The following TCF4 variants were observed in gnomAD, a reference collection of about 807,000 sequenced individuals.
TCF4 encodes the protein SL3-3 enhancer factor 2.
In TCF4, 3 loss-of-function variants were observed where a neutral mutation model predicts 82.1. The ratio of observed to expected loss-of-function variants is 0.04; its 90% CI spans 0.02 to 0.09. The LOEUF (loss-of-function observed/expected upper bound fraction) is 0.09, where lower values mean the gene tolerates loss of function less well. TCF4 is among the 10% of genes least tolerant of loss of function. The pLI is 1.00. For missense variants in TCF4, 518 were observed against 852.7 expected, an observed-to-expected ratio of 0.61 and a Z score of 4.89; for synonymous variants, 276 against 309.6, an observed-to-expected ratio of 0.89 and a Z score of 1.14.
intron 8 of TCF4, among the ~76,000 whole-genome samples, chr18:55,291,144 T>C (rs1160015503): frequency 1.3e-5 from 2 of 152,176 alleles, no homozygotes; most frequent in African/African-American, 4.8e-5. Context: ...TCCTTTTCCA[T>C]GAGTCACAAG....
chr18:55,629,119 T>C (rs1386847313), intron 2 of TCF4, among the ~76,000 whole-genome samples: 2 of 152,152 alleles, frequency 1.3e-5, no homozygotes, highest in African/African-American at 2.4e-5. Flanking sequence ...ATATTTTGTG[T>C]GTGTGATACT....
At chr18:55,582,075 C>G (rs990940533) in intron 3 of TCF4, among the ~76,000 whole-genome samples, 2 of 152,056 alleles carry the variant, frequency 1.3e-5, no homozygotes, top group Non-Finnish European at 2.9e-5. Flanking sequence ...AAAAAGATGT[C>G]AAAGCTAGGA....
intron 15 of TCF4, among the ~76,000 whole-genome samples, chr18:55,240,609 G>A (rs182230286): frequency 6.6e-6 from 1 of 152,314 alleles, no homozygotes; most frequent in East Asian, 1.9e-4. Flanking sequence ...TGGAATGGCA[G>A]CAGTAGATAG....
chr18:55,339,329 C>A (rs969992569), intron 8 of TCF4, among the ~76,000 whole-genome samples: 3 of 152,150 alleles, frequency 2.0e-5, no homozygotes, highest in African/African-American at 7.2e-5. Flanking sequence ...AAACCAGGAT[C>A]CTTTTGGTGA....
intron 3 of TCF4, among the ~76,000 whole-genome samples, chr18:55,505,792 AGACTCC>A: frequency 8.0e-6 from 1 of 125,196 alleles, no homozygotes; most frequent in Non-Finnish European, 1.6e-5. Context: ...CCACAGAGCG[AGACTCC>A]GTCTCAAAAA....
chr18:55,452,462 T>C (rs72928929), intron 5 of TCF4: 8,899 of 152,418 alleles, frequency 0.058, 359 homozygotes, highest in Middle Eastern at 0.091. Flanking sequence ...GAAAGATCTT[T>C]GTCTGTCACT....
At chr18:55,320,336 A>G (rs1316444893) in intron 8 of TCF4, among the ~76,000 whole-genome samples, 1 of 152,192 alleles carries the variant, frequency 6.6e-6, no homozygotes, top group African/African-American at 2.4e-5. Flanking sequence ...GCTCTTTTTT[A>G]AAAAAGATAA....
chr18:55,529,545 C>T (rs1033701476), intron 3 of TCF4, among the ~76,000 whole-genome samples: 4 of 152,004 alleles, frequency 2.6e-5, no homozygotes, highest in African/African-American at 4.8e-5. Flanking sequence ...AGTTATGCCT[C>T]CAATTTTTTT....
At chr18:55,250,790 G>T (rs1277095971) in intron 15 of TCF4, among the ~76,000 whole-genome samples, 1 of 152,128 alleles carries the variant, frequency 6.6e-6, no homozygotes, top group African/African-American at 2.4e-5. Flanking sequence ...TGTGAGACTC[G>T]AGGAATTTAC....
chr18:55,564,549 G>T (rs1222536906), intron 3 of TCF4, among the ~76,000 whole-genome samples: 1 of 152,210 alleles, frequency 6.6e-6, no homozygotes, highest in Non-Finnish European at 1.5e-5. Context: ...TAACACAAAT[G>T]ATAAGGTCAA....
intron 3 of TCF4, among the ~76,000 whole-genome samples, chr18:55,506,422 C>T (rs1017810529): frequency 3.3e-5 from 5 of 152,210 alleles, no homozygotes; most frequent in African/African-American, 1.2e-4. Context: ...TATACACACA[C>T]ATATATTCAG....
intron 3 of TCF4, among the ~76,000 whole-genome samples, chr18:55,499,264 C>T (rs929690131): frequency 6.6e-6 from 1 of 152,116 alleles, no homozygotes; most frequent in African/African-American, 2.4e-5. Context: ...TCATGCTATA[C>T]CAACACATCT....
intron 8 of TCF4, among the ~76,000 whole-genome samples, chr18:55,303,894 C>T (rs897210439): frequency 2.6e-5 from 4 of 152,178 alleles, no homozygotes; most frequent in African/African-American, 9.7e-5. Flanking sequence ...ATAAATCCAT[C>T]TGGTTTAAAA....
intron 3 of TCF4, among the ~76,000 whole-genome samples, chr18:55,477,542 G>A (rs1287623248): frequency 6.6e-6 from 1 of 152,172 alleles, no homozygotes; most frequent in East Asian, 1.9e-4. Context: ...TCTCCCCTCT[G>A]TGTGTCCTTT....
chr18:55,403,330 C>T, intron 6 of TCF4, 124 bp downstream of exon 6: 2 of 1,038,240 alleles, frequency 1.9e-6, no homozygotes, highest in South Asian at 1.3e-5. Context: ...AAAGAGAGAG[C>T]CATCATCTGA....
At chr18:55,242,768 C>G (rs988578643) in intron 15 of TCF4, among the ~76,000 whole-genome samples, 2 of 152,134 alleles carry the variant, frequency 1.3e-5, no homozygotes, top group African/African-American at 4.8e-5. Context: ...CACCTTTACG[C>G]CCAGCTAATT....
At chr18:55,611,532 T>C (rs2097706982) in intron 2 of TCF4, among the ~76,000 whole-genome samples, 1 of 152,182 alleles carries the variant, frequency 6.6e-6, no homozygotes, top group Non-Finnish European at 1.5e-5. Flanking sequence ...CACAAGTTAA[T>C]GATTTTCCGA....
intron 3 of TCF4, among the ~76,000 whole-genome samples, chr18:55,509,181 C>G (rs1016850441): frequency 4.6e-5 from 7 of 152,144 alleles, no homozygotes; most frequent in Admixed American, 6.5e-5. Context: ...CCAAGTCTTG[C>G]GGACTTCGTA....
At chr18:55,247,727 T>A (rs1226040375) in intron 15 of TCF4, among the ~76,000 whole-genome samples, 1 of 152,128 alleles carries the variant, frequency 6.6e-6, no homozygotes, top group Non-Finnish European at 1.5e-5. Context: ...GAGTCCAAAC[T>A]TTTTTTCAGG....
Sources: allele counts gnomAD v4.1 joint callset (sites outside exome capture counted in the v4.1 genomes callset), GRCh38; gene constraint gnomAD v4.1.1; transcripts MANE v1.5; gene names NCBI Gene and HGNC (gene_info 2026-07-23, HGNC 2026-07-21).